Variants in ST6GALNAC3 observed in about 807,000 individuals in gnomAD.
The protein encoded by ST6GALNAC3 is ST6 N-acetylgalactosaminide alpha-2,6-sialyltransferase 3.
A neutral mutation model predicts 32.7 loss-of-function variants in ST6GALNAC3; 25 were observed. That is an observed-to-expected ratio of 0.76 (90% CI 0.56 to 1.07). The LOEUF (loss-of-function observed/expected upper bound fraction) is 1.07, where lower values mean the gene tolerates loss of function less well. Ranked by LOEUF, ST6GALNAC3 falls within the 50% of genes least tolerant of loss-of-function variation. The pLI, the probability that ST6GALNAC3 is intolerant of heterozygous loss-of-function variation, is 0.00. For synonymous variants in ST6GALNAC3, 129 were observed against 133.1 expected (o/e 0.97, Z 0.21); for missense variants, 355 against 382.4 (o/e 0.93, Z 0.60).
intron 3 of ST6GALNAC3, among the ~76,000 whole-genome samples, chr1:76,568,040 C>A (rs1334443761): frequency 6.6e-6 from 1 of 152,178 alleles, no homozygotes; most frequent in African/African-American, 2.4e-5. Context: ...GAAGAAAACA[C>A]TTTAAACTTA....
chr1:76,628,380 A>AAT (rs1649108299), intron 4 of ST6GALNAC3, among the ~76,000 whole-genome samples: 2 of 152,010 alleles, frequency 1.3e-5, no homozygotes, highest in African/African-American at 4.8e-5. Flanking sequence ...AGATAGCCAT[A>AAT]TGTTTGAATG....
At chr1:76,438,099 G>A (rs1017033315) in intron 3 of ST6GALNAC3, among the ~76,000 whole-genome samples, 10 of 150,778 alleles carry the variant, frequency 6.6e-5, no homozygotes, top group Non-Finnish European at 1.2e-4. Context: ...TAAGATGATC[G>A]ATCTTCTACA....
At chr1:76,427,925 C>T (rs1655504506) in intron 3 of ST6GALNAC3, among the ~76,000 whole-genome samples, 1 of 152,118 alleles carries the variant, frequency 6.6e-6, no homozygotes, top group Non-Finnish European at 1.5e-5. Context: ...AAATGTCTTT[C>T]TATAGTTCTG....
rs373383533 is a variant in ST6GALNAC3 at position 76,412,270 on chromosome 1, G to A, written c.476G>A (p.Arg159His). The A allele has an allele frequency of 6.6e-5, 106 of 1,613,356 alleles. No individual in the cohort carries two copies. Among genetic ancestry groups the A allele is most frequent in the Non-Finnish European group, 8.6e-5 (101 of 1,179,754 alleles). ...TTIYVIWGPF[R>H]NMRKDGNGIV... ...ATTTATGTTATTTGGGGACCTTTCC[G>A]CAATATGAGGAAAGATGGCAATGGC... The change falls in exon 3 of 5, where the codon CGC becomes CAC. Residue 159 changes from arginine to histidine, a missense_variant. Physicochemically the swap from Arg to His is conservative, Grantham distance 29. Transcript: ENST00000328299.
intron 3 of ST6GALNAC3, among the ~76,000 whole-genome samples, chr1:76,586,534 T>C (rs1646964929): frequency 6.6e-6 from 1 of 152,214 alleles, no homozygotes; most frequent in African/African-American, 2.4e-5. Context: ...ATTCTGGTAA[T>C]AAATGATAAT....
chr1:76,201,055 G>GA (rs60688332), intron 1 of ST6GALNAC3, among the ~76,000 whole-genome samples: 12,685 of 150,384 alleles, frequency 0.084, 587 homozygotes, highest in African/African-American at 0.12. Flanking sequence ...GCAGCAGTGT[G>GA]AAAAAAAAAG....
intron 1 of ST6GALNAC3, among the ~76,000 whole-genome samples, chr1:76,209,581 G>T (rs538173293): frequency 2.5e-4 from 38 of 152,182 alleles, no homozygotes; most frequent in Non-Finnish European, 5.0e-4. Flanking sequence ...TAGTGGAAGA[G>T]GTGGTGGTAT....
chr1:76,576,875 C>A (rs1461126510), intron 3 of ST6GALNAC3: 17 of 1,304,520 alleles, frequency 1.3e-5, no homozygotes, highest in Non-Finnish European at 1.5e-5. Context: ...GTTGATTGAT[C>A]GAACAGCAAC....
intron 3 of ST6GALNAC3, among the ~76,000 whole-genome samples, chr1:76,440,086 G>A (rs376900918): frequency 5.9e-5 from 9 of 152,078 alleles, no homozygotes; most frequent in South Asian, 4.2e-4. Flanking sequence ...ATTATATTTC[G>A]TTTTACAAAA....
At chr1:76,489,981 C>T (rs780511492) in intron 3 of ST6GALNAC3, among the ~76,000 whole-genome samples, 1 of 152,178 alleles carries the variant, frequency 6.6e-6, no homozygotes. Context: ...GTAAATCTTC[C>T]AGACAGACTT....
intron 3 of ST6GALNAC3, among the ~76,000 whole-genome samples, chr1:76,422,211 A>G (rs1316518861): frequency 6.6e-6 from 1 of 152,048 alleles, no homozygotes; most frequent in Non-Finnish European, 1.5e-5. Flanking sequence ...TAAATGACCT[A>G]GAGGTGGAAA....
chr1:76,281,444 G>A (rs542492275), intron 1 of ST6GALNAC3, among the ~76,000 whole-genome samples: 97 of 152,304 alleles, frequency 6.4e-4, no homozygotes, highest in Middle Eastern at 3.4e-3. Context: ...GGCCAGAGAT[G>A]CCTGCAGCCT....
At chr1:76,388,816 C>T (rs1363948238) in intron 2 of ST6GALNAC3, among the ~76,000 whole-genome samples, 1 of 152,062 alleles carries the variant, frequency 6.6e-6, no homozygotes, top group Non-Finnish European at 1.5e-5. Context: ...GTCCAAGTAT[C>T]TTATTTAGTG....
chr1:76,293,524 G>A (rs1257407614), intron 1 of ST6GALNAC3, among the ~76,000 whole-genome samples: 1 of 152,138 alleles, frequency 6.6e-6, no homozygotes, highest in Admixed American at 6.5e-5. Flanking sequence ...CCACATTACT[G>A]GTTAATAGAA....
chr1:76,628,523 G>A, intron 4 of ST6GALNAC3, 97 bp from the exon 5 acceptor site: 1 of 1,136,206 alleles, frequency 8.8e-7, no homozygotes, highest in Non-Finnish European at 1.2e-6. Flanking sequence ...GGGTTTGTGA[G>A]TAAATGCATT....
intron 3 of ST6GALNAC3, among the ~76,000 whole-genome samples, chr1:76,626,537 T>C (rs680970): frequency 0.49 from 74,546 of 151,726 alleles, 19,346 homozygotes; most frequent in African/African-American, 0.66. Context: ...CACCTTCCCC[T>C]TCAGTTCCTG....
chr1:76,251,804 C>G (rs943015924), intron 1 of ST6GALNAC3, among the ~76,000 whole-genome samples: 1 of 152,056 alleles, frequency 6.6e-6, no homozygotes, highest in Non-Finnish European at 1.5e-5. Context: ...CTCTCTACAC[C>G]ATACCTCCAT....
chr1:76,192,977 C>T (rs1653989886), intron 1 of ST6GALNAC3, among the ~76,000 whole-genome samples: 1 of 152,020 alleles, frequency 6.6e-6, no homozygotes, highest in Non-Finnish European at 1.5e-5. Flanking sequence ...GAAGGTAATT[C>T]TACTTCTCTT....
At chr1:76,466,413 A>C (rs565762779) in intron 3 of ST6GALNAC3, among the ~76,000 whole-genome samples, 1 of 152,076 alleles carries the variant, frequency 6.6e-6, no homozygotes, top group Admixed American at 6.6e-5. Flanking sequence ...TGAGAGAGCA[A>C]TCCATGGAAA....
Sources: gnomAD v4.1 joint callset for allele counts (sites outside exome capture counted in the v4.1 genomes callset) on GRCh38, gnomAD v4.1.1 for gene constraint, MANE v1.5 for transcripts, NCBI Gene and HGNC (gene_info 2026-07-23, HGNC 2026-07-21) for gene names.